Variants in RANBP2 observed in about 807,000 individuals in gnomAD.
RANBP2 encodes RAN binding protein 2, also known as E3 SUMO-protein ligase RanBP2.
In RANBP2, 57 loss-of-function variants were observed where a neutral mutation model predicts 303.6. The ratio of observed to expected loss-of-function variants is 0.19; its 90% CI spans 0.15 to 0.23. RANBP2 has a LOEUF of 0.23. RANBP2 is among the 10% of genes least tolerant of loss of function. The probability of loss-of-function intolerance (pLI) is 1.00; values close to 1 mark genes in which losing one functional copy is unlikely to be tolerated. For missense variants in RANBP2, 3,138 were observed against 3,780.8 expected, an observed-to-expected ratio of 0.83 and a Z score of 4.46; for synonymous variants, 1,167 against 1,301.5, an observed-to-expected ratio of 0.90 and a Z score of 2.23.
At chr2:109,441,666 A>C in the RANBP2 span, among the ~76,000 whole-genome samples, 2 of 152,252 alleles carry the variant, frequency 1.3e-5, no homozygotes, top group African/African-American at 4.8e-5. Context: ...TCCAAATTTG[A>C]TGAAAACCAC....
the RANBP2 span, among the ~76,000 whole-genome samples, chr2:109,648,589 C>T: frequency 3.3e-5 from 5 of 151,546 alleles, no homozygotes; most frequent in African/African-American, 9.7e-5. Flanking sequence ...GTGATCCACC[C>T]GCCTTGGCCT....
the RANBP2 span, among the ~76,000 whole-genome samples, chr2:108,971,670 G>T: frequency 1.3e-5 from 2 of 152,228 alleles, no homozygotes; most frequent in South Asian, 4.1e-4. Context: ...GAGGCTGAGA[G>T]ATTTAGAGCA....
the RANBP2 span, chr2:108,906,264 G>T: frequency 1.2e-6 from 2 of 1,607,616 alleles, no homozygotes; most frequent in Non-Finnish European, 1.7e-6. Context: ...CCTTCATGTC[G>T]GTGGGGTGGG....
At chr2:109,518,075 G>T in the RANBP2 span, among the ~76,000 whole-genome samples, 1 of 152,238 alleles carries the variant, frequency 6.6e-6, no homozygotes, top group Admixed American at 6.5e-5. Context: ...GAAGCCACAA[G>T]CTACAAGGTC....
At chr2:109,559,810 A>G in the RANBP2 span, among the ~76,000 whole-genome samples, 4 of 151,724 alleles carry the variant, frequency 2.6e-5, no homozygotes, top group African/African-American at 4.8e-5. Flanking sequence ...GTTTCAGTTC[A>G]TTCATTCCAC....
chr2:109,006,722 G>A, the RANBP2 span, among the ~76,000 whole-genome samples: 7 of 152,146 alleles, frequency 4.6e-5, no homozygotes, highest in South Asian at 2.1e-4. Context: ...CTCGGGCTGC[G>A]CAGAGGCCCA....
At chr2:108,921,305 A>G in the RANBP2 span, among the ~76,000 whole-genome samples, 2 of 152,072 alleles carry the variant, frequency 1.3e-5, no homozygotes, top group African/African-American at 4.8e-5. Context: ...GCTGCGACCC[A>G]TTGTCTGCTG....
At chr2:108,901,000 C>A in the RANBP2 span, among the ~76,000 whole-genome samples, 7 of 152,088 alleles carry the variant, frequency 4.6e-5, no homozygotes, top group Non-Finnish European at 1.0e-4. Context: ...GAAAAAAAAT[C>A]AAGAATATAG....
At chr2:109,138,891 C>G in the RANBP2 span, among the ~76,000 whole-genome samples, 1 of 152,168 alleles carries the variant, frequency 6.6e-6, no homozygotes, top group African/African-American at 2.4e-5. Flanking sequence ...TTCACAAAAC[C>G]AGAAGTGATC....
chr2:109,028,416 G>A, the RANBP2 span, among the ~76,000 whole-genome samples: 1 of 152,224 alleles, frequency 6.6e-6, no homozygotes, highest in Non-Finnish European at 1.5e-5. Context: ...CTTACACCAA[G>A]AAGGTAGGCC....
the RANBP2 span, among the ~76,000 whole-genome samples, chr2:109,625,436 C>T: frequency 6.7e-6 from 1 of 149,804 alleles, no homozygotes; most frequent in Non-Finnish European, 1.5e-5. Context: ...AGGCGGATCG[C>T]GAGGTCAGGA....
chr2:109,685,342 T>C, the RANBP2 span, among the ~76,000 whole-genome samples: 2 of 152,340 alleles, frequency 1.3e-5, no homozygotes, highest in African/African-American at 4.8e-5. Context: ...TACTGAAGAA[T>C]AGAATCCCTG....
At chr2:109,724,930 G>A in the RANBP2 span, among the ~76,000 whole-genome samples, 6 of 152,184 alleles carry the variant, frequency 3.9e-5, no homozygotes, top group African/African-American at 4.8e-5. Context: ...TAGGGTAAGC[G>A]AAAGCAGTGT....
At chr2:109,589,228 C>T in the RANBP2 span, among the ~76,000 whole-genome samples, 1 of 152,082 alleles carries the variant, frequency 6.6e-6, no homozygotes, top group Non-Finnish European at 1.5e-5. Flanking sequence ...CCGCAACCTC[C>T]ACCTCCCAGG....
the RANBP2 span, among the ~76,000 whole-genome samples, chr2:109,515,766 C>G: frequency 2.0e-5 from 3 of 152,148 alleles, no homozygotes; most frequent in South Asian, 2.1e-4. Flanking sequence ...TCTGGTGAGG[C>G]CTCGGGAGGC....
chr2:109,082,263 T>C, the RANBP2 span, among the ~76,000 whole-genome samples: 1 of 152,218 alleles, frequency 6.6e-6, no homozygotes, highest in Non-Finnish European at 1.5e-5. Context: ...AGTCAGCTCC[T>C]GGTATTCCTT....
chr2:109,598,235 CTT>C, the RANBP2 span, among the ~76,000 whole-genome samples: 1 of 151,746 alleles, frequency 6.6e-6, no homozygotes, highest in African/African-American at 2.4e-5. Context: ...ACCTGGCTAA[CTT>C]TTGTATTTTT....
chr2:109,536,749 C>T, the RANBP2 span, among the ~76,000 whole-genome samples: 1 of 152,122 alleles, frequency 6.6e-6, no homozygotes, highest in Non-Finnish European at 1.5e-5. Flanking sequence ...TCTTGAATTC[C>T]TACGTATTGT....
intron 12 of RANBP2, 122 bp from the exon 13 acceptor site, chr2:108,752,876 A>G (rs1340081205): frequency 6.3e-7 from 1 of 1,581,716 alleles, no homozygotes; most frequent in Middle Eastern, 2.3e-4. Context: ...TGAACAAATG[A>G]CTATTGAGAT....
Sources: allele counts gnomAD v4.1 joint callset (sites outside exome capture counted in the v4.1 genomes callset), GRCh38; gene constraint gnomAD v4.1.1; transcripts MANE v1.5; gene names NCBI Gene and HGNC (gene_info 2026-07-23, HGNC 2026-07-21).